The following GUCY1A2 variants were observed in gnomAD, a reference collection of about 807,000 sequenced individuals.
GUCY1A2 encodes guanylate cyclase 1 soluble subunit alpha 2, also known as guanylate cyclase soluble subunit alpha-2.
Under a neutral mutation model 63.5 loss-of-function variants are expected in GUCY1A2, and 27 were observed. That is an observed-to-expected ratio of 0.43 (90% CI 0.31 to 0.59). GUCY1A2 has a LOEUF of 0.59. Ranked by LOEUF, GUCY1A2 falls within the 20% of genes least tolerant of loss-of-function variation. The pLI, the probability that GUCY1A2 is intolerant of heterozygous loss-of-function variation, is 0.11. For synonymous variants in GUCY1A2, 364 were observed against 343.5 expected (o/e 1.06, Z -0.66); for missense variants, 768 against 913.3 (o/e 0.84, Z 2.05).
intron 3 of GUCY1A2, among the ~76,000 whole-genome samples, chr11:106,941,068 T>C (rs1017371712): frequency 1.2e-4 from 18 of 152,076 alleles, no homozygotes; most frequent in Non-Finnish European, 2.4e-4. Flanking sequence ...CAGCTAGACC[T>C]CAGGGAAAAG....
intron 7 of GUCY1A2, among the ~76,000 whole-genome samples, chr11:106,700,225 G>T (rs957516807): frequency 2.0e-5 from 3 of 152,008 alleles, no homozygotes; most frequent in African/African-American, 7.3e-5. Context: ...AAAAATAACT[G>T]CAACATTATA....
chr11:106,829,175 CACAT>C (rs926580211), intron 4 of GUCY1A2, among the ~76,000 whole-genome samples: 1 of 152,156 alleles, frequency 6.6e-6, no homozygotes, highest in Non-Finnish European at 1.5e-5. Flanking sequence ...TCAAAGTTTC[CACAT>C]ACCTTGTTGC....
chr11:106,729,684 T>G (rs1402355315), intron 6 of GUCY1A2, among the ~76,000 whole-genome samples: 2 of 152,066 alleles, frequency 1.3e-5, no homozygotes, highest in Non-Finnish European at 2.9e-5. Context: ...TTTTTGTAAA[T>G]TTAGAAGATG....
chr11:106,770,959 T>G (rs1864245436), intron 6 of GUCY1A2, among the ~76,000 whole-genome samples: 1 of 151,786 alleles, frequency 6.6e-6, no homozygotes, highest in Non-Finnish European at 1.5e-5. Flanking sequence ...TCACAATGTT[T>G]CCTGCATACT....
At chr11:107,011,646 T>C (rs1012235523) in intron 1 of GUCY1A2, among the ~76,000 whole-genome samples, 1 of 147,492 alleles carries the variant, frequency 6.8e-6, no homozygotes, top group Non-Finnish European at 1.5e-5. Flanking sequence ...TACTATAATA[T>C]ATAGTCAGAG....
At chr11:106,965,238 G>A (rs1861112762) in intron 3 of GUCY1A2, among the ~76,000 whole-genome samples, 1 of 152,020 alleles carries the variant, frequency 6.6e-6, no homozygotes, top group Non-Finnish European at 1.5e-5. Context: ...AGCATTTGTT[G>A]GCTAAGCGAT....
chr11:106,836,518 T>A (rs1859119999), intron 4 of GUCY1A2, among the ~76,000 whole-genome samples: 1 of 152,036 alleles, frequency 6.6e-6, no homozygotes, highest in Non-Finnish European at 1.5e-5. Flanking sequence ...CTTTTTCTTG[T>A]AATGTCATGA....
intron 4 of GUCY1A2, among the ~76,000 whole-genome samples, chr11:106,867,929 T>G (rs1405969851): frequency 6.6e-6 from 1 of 152,026 alleles, no homozygotes; most frequent in African/African-American, 2.4e-5. Flanking sequence ...GTTCCAAATT[T>G]ATTATTGAAT....
chr11:106,695,803 C>T (rs1862708140), intron 7 of GUCY1A2, among the ~76,000 whole-genome samples: 1 of 152,174 alleles, frequency 6.6e-6, no homozygotes, highest in Admixed American at 6.5e-5. Flanking sequence ...AAGGATCTCA[C>T]CAAATGTTTA....
intron 6 of GUCY1A2, among the ~76,000 whole-genome samples, chr11:106,739,451 A>C (rs1484882122): frequency 6.6e-6 from 1 of 152,202 alleles, no homozygotes; most frequent in African/African-American, 2.4e-5. Flanking sequence ...TTTATTTAAC[A>C]CTTACAGAGT....
chr11:106,741,052 A>T (rs1405017135), intron 6 of GUCY1A2, among the ~76,000 whole-genome samples: 1 of 152,152 alleles, frequency 6.6e-6, no homozygotes, highest in African/African-American at 2.4e-5. Flanking sequence ...AGTGTCCTTT[A>T]TTGCAATGCT....
chr11:106,719,910 G>A (rs1451693216), intron 6 of GUCY1A2, among the ~76,000 whole-genome samples: 1 of 152,058 alleles, frequency 6.6e-6, no homozygotes, highest in Non-Finnish European at 1.5e-5. Context: ...TACCTCTACT[G>A]TTTGCCCAGG....
At chr11:106,694,288 G>A (rs1008615401) in intron 7 of GUCY1A2, among the ~76,000 whole-genome samples, 4 of 152,056 alleles carry the variant, frequency 2.6e-5, no homozygotes, top group African/African-American at 9.7e-5. Flanking sequence ...AATTCCTCTG[G>A]TTCAATGTCT....
At chr11:106,754,821 TTTG>T (rs1863944799) in intron 6 of GUCY1A2, among the ~76,000 whole-genome samples, 1 of 152,184 alleles carries the variant, frequency 6.6e-6, no homozygotes, top group African/African-American at 2.4e-5. Context: ...ATTCTCTTTT[TTTG>T]TTGTGTCTCT....
intron 6 of GUCY1A2, among the ~76,000 whole-genome samples, chr11:106,718,560 G>A (rs1863256951): frequency 1.3e-5 from 2 of 151,962 alleles, no homozygotes; most frequent in Admixed American, 1.3e-4. Context: ...ATTTAAATTT[G>A]ACTCAGTCTG....
chr11:106,696,956 G>A (rs1297984886), intron 7 of GUCY1A2, among the ~76,000 whole-genome samples: 3 of 152,020 alleles, frequency 2.0e-5, no homozygotes, highest in African/African-American at 2.4e-5. Context: ...TAGTTAAGTC[G>A]CTTAAATTCT....
chr11:106,830,323 T>C (rs532548308), intron 4 of GUCY1A2, among the ~76,000 whole-genome samples: 7 of 152,162 alleles, frequency 4.6e-5, no homozygotes, highest in Non-Finnish European at 8.8e-5. Context: ...TTTCAGGAGA[T>C]GTGTATGGGT....
At chr11:106,958,999 T>C (rs1337302764) in intron 3 of GUCY1A2, among the ~76,000 whole-genome samples, 1 of 152,214 alleles carries the variant, frequency 6.6e-6, no homozygotes, top group African/African-American at 2.4e-5. Context: ...TGCATGTACT[T>C]ACTGAACTCA....
chr11:107,007,477 G>A (rs1483951361), intron 1 of GUCY1A2, among the ~76,000 whole-genome samples: 1 of 152,114 alleles, frequency 6.6e-6, no homozygotes, highest in East Asian at 1.9e-4. Flanking sequence ...CCAGCGGATT[G>A]TCCCCAAACA....
Sources: allele counts gnomAD v4.1 joint callset (sites outside exome capture counted in the v4.1 genomes callset), GRCh38; gene constraint gnomAD v4.1.1; transcripts MANE v1.5; gene names NCBI Gene and HGNC (gene_info 2026-07-23, HGNC 2026-07-21).